Variants in DLG2 observed in about 807,000 individuals in gnomAD.
DLG2 encodes the protein discs large MAGUK scaffold protein 2, also known as disks large homolog 2.
Under a neutral mutation model 132.5 loss-of-function variants are expected in DLG2, and 45 were observed. The observed-to-expected ratio is 0.34, with a 90% confidence interval of 0.27 to 0.44. The LOEUF (loss-of-function observed/expected upper bound fraction) is 0.44. DLG2 is among the 20% of genes least tolerant of loss of function. DLG2 has a pLI of 1.00. For missense variants in DLG2, 1,045 were observed against 1,196.9 expected (o/e 0.87, Z 1.87); for synonymous variants, 424 against 419.6 (o/e 1.01, Z -0.13).
intron 8 of DLG2, among the ~76,000 whole-genome samples, chr11:84,223,942 C>T (rs1203376146): frequency 6.6e-6 from 1 of 152,158 alleles, no homozygotes; most frequent in Non-Finnish European, 1.5e-5. Flanking sequence ...TTATATTAGC[C>T]CATTAAGGAA....
At chr11:83,879,334 G>T (rs1325586707) in intron 15 of DLG2, among the ~76,000 whole-genome samples, 1 of 152,028 alleles carries the variant, frequency 6.6e-6, no homozygotes, top group Admixed American at 6.6e-5. Flanking sequence ...AATGTGACTT[G>T]TAAAGTCACA....
chr11:83,462,450 A>G (rs973512050), intron 26 of DLG2, among the ~76,000 whole-genome samples: 3 of 152,232 alleles, frequency 2.0e-5, no homozygotes, highest in Non-Finnish European at 4.4e-5. Context: ...CTACTTCTTC[A>G]GAATAAACTG....
intron 2 of DLG2, among the ~76,000 whole-genome samples, chr11:85,602,571 GATGAGGTCTCACT>G (rs2080245079): frequency 6.6e-6 from 1 of 151,962 alleles, no homozygotes; most frequent in Non-Finnish European, 1.5e-5. Flanking sequence ...TTTTTGTAGA[GATGAGGTCTCACT>G]ATGTTGCCCA....
intron 6 of DLG2, among the ~76,000 whole-genome samples, chr11:84,866,818 C>T (rs2084643442): frequency 6.6e-6 from 1 of 152,132 alleles, no homozygotes; most frequent in Admixed American, 6.5e-5. Flanking sequence ...TCCAGAGAGG[C>T]TGTGAAATGT....
intron 8 of DLG2, among the ~76,000 whole-genome samples, chr11:84,180,458 T>C (rs1382854693): frequency 1.3e-5 from 2 of 151,820 alleles, no homozygotes; most frequent in African/African-American, 4.8e-5. Flanking sequence ...ACAGAAGCAA[T>C]ATTTGAGGCA....
chr11:84,596,301 A>T (rs2099556940), intron 6 of DLG2, among the ~76,000 whole-genome samples: 1 of 151,290 alleles, frequency 6.6e-6, no homozygotes, highest in Non-Finnish European at 1.5e-5. Context: ...TCTGCCTCCC[A>T]GGTACAAGCA....
intron 3 of DLG2, among the ~76,000 whole-genome samples, chr11:85,491,620 A>G (rs966605339): frequency 6.6e-6 from 1 of 152,136 alleles, no homozygotes; most frequent in Non-Finnish European, 1.5e-5. Context: ...GAAACTATCC[A>G]AAAAAGAAAT....
intron 6 of DLG2, among the ~76,000 whole-genome samples, chr11:84,724,199 T>C (rs185699432): frequency 6.6e-6 from 1 of 152,294 alleles, no homozygotes; most frequent in East Asian, 1.9e-4. Context: ...TTTCCTTTTT[T>C]ATTAAGATGA....
chr11:84,570,738 T>C (rs2099479731), intron 6 of DLG2, among the ~76,000 whole-genome samples: 1 of 152,204 alleles, frequency 6.6e-6, no homozygotes, highest in African/African-American at 2.4e-5. Context: ...AAGGACATCT[T>C]CCTTTCTCCC....
At chr11:85,111,179 C>A (rs1052429350) in intron 6 of DLG2, among the ~76,000 whole-genome samples, 2 of 152,074 alleles carry the variant, frequency 1.3e-5, no homozygotes, top group African/African-American at 4.8e-5. Context: ...CTGTTTGTTT[C>A]TAAGGCACTG....
At chr11:84,883,491 C>T (rs12798191) in intron 6 of DLG2, among the ~76,000 whole-genome samples, 2,763 of 150,346 alleles carry the variant, frequency 0.018, 50 homozygotes, top group Non-Finnish European at 0.026. Flanking sequence ...AATACATCTA[C>T]ATGTTGAATA....
intron 6 of DLG2, among the ~76,000 whole-genome samples, chr11:84,954,525 C>T (rs926512140): frequency 6.6e-6 from 1 of 152,140 alleles, no homozygotes; most frequent in Admixed American, 6.6e-5. Context: ...CAGCCTATTA[C>T]ACACTAAGGT....
intron 18 of DLG2, chr11:83,725,019 G>A: frequency 1.5e-6 from 1 of 655,222 alleles, no homozygotes; most frequent in South Asian, 1.7e-5. Context: ...CCTGTTAGGA[G>A]TGAAGCAGGT....
At chr11:83,874,179 A>T (rs1234821346) in intron 16 of DLG2, among the ~76,000 whole-genome samples, 3 of 150,420 alleles carry the variant, frequency 2.0e-5, no homozygotes, top group African/African-American at 7.4e-5. Flanking sequence ...AGAGAAAGAG[A>T]GAAAAAAGGA....
chr11:84,685,036 CACA>C, intron 6 of DLG2, among the ~76,000 whole-genome samples: 1 of 152,286 alleles, frequency 6.6e-6, no homozygotes, highest in Non-Finnish European at 1.5e-5. Context: ...TTTGCATTCT[CACA>C]ACAACCTCTT....
intron 6 of DLG2, among the ~76,000 whole-genome samples, chr11:84,940,985 TC>T (rs1415173751): frequency 6.6e-6 from 1 of 152,220 alleles, no homozygotes; most frequent in African/African-American, 2.4e-5. Flanking sequence ...AAAGAGACTG[TC>T]CTTTCCCCAA....
intron 18 of DLG2, among the ~76,000 whole-genome samples, chr11:83,658,253 T>C (rs1480290329): frequency 6.6e-6 from 1 of 152,252 alleles, no homozygotes; most frequent in Non-Finnish European, 1.5e-5. Flanking sequence ...TTTTATGTTC[T>C]TGTTTTCTTA....
At chr11:84,757,191 G>C (rs947932190) in intron 6 of DLG2, among the ~76,000 whole-genome samples, 45 of 151,744 alleles carry the variant, frequency 3.0e-4, no homozygotes, top group Admixed American at 2.6e-3. Flanking sequence ...ATGAATACCA[G>C]TCTGCAAAAC....
At chr11:85,237,932 C>G (rs1326801718) in intron 4 of DLG2, among the ~76,000 whole-genome samples, 1 of 152,032 alleles carries the variant, frequency 6.6e-6, no homozygotes, top group Non-Finnish European at 1.5e-5. Context: ...TAATTAGAAA[C>G]TTGATTTATG....
Sources: allele counts gnomAD v4.1 joint callset (sites outside exome capture counted in the v4.1 genomes callset), GRCh38; gene constraint gnomAD v4.1.1; transcripts MANE v1.5; gene names NCBI Gene and HGNC (gene_info 2026-07-23, HGNC 2026-07-21).